The following SLC19A1 variants were observed in gnomAD, a reference collection of about 807,000 sequenced individuals.
SLC19A1 encodes reduced folate transporter.
A neutral mutation model predicts 35.3 loss-of-function variants in SLC19A1; 37 were observed. The ratio of observed to expected loss-of-function variants is 1.05; its 90% CI spans 0.81 to 1.38. The LOEUF is 1.38. Among genes scored for constraint, SLC19A1 ranks in the 40% most tolerant of loss-of-function variants. The pLI is 0.00. For synonymous variants in SLC19A1, 460 were observed against 398.5 expected (o/e 1.15, Z -1.84); for missense variants, 831 against 826.9 (o/e 1.00, Z -0.06).
At chr21:45,516,238 C>T in intron 5 of SLC19A1, 98 bp from the exon 6 acceptor site, 1 of 944,980 alleles carries the variant, frequency 1.1e-6, no homozygotes. Context: ...CCTCCTCCAG[C>T]TCAGAGGCTG....
downstream of SLC19A1, chr21:45,509,405 G>A (rs2037437920): frequency 3.9e-6 from 6 of 1,542,992 alleles, no homozygotes; most frequent in East Asian, 1.5e-4. Context: ...CTGCACGACA[G>A]CAACCCCTAC....
intron 1 of SLC19A1, among the ~76,000 whole-genome samples, chr21:45,539,138 A>G (rs1436731765): frequency 6.6e-6 from 1 of 152,182 alleles, no homozygotes; most frequent in Admixed American, 6.5e-5. Context: ...CCTTCAAGTA[A>G]GTCAAAAGTG....
upstream of SLC19A1, among the ~76,000 whole-genome samples, chr21:45,543,053 C>A (rs760422533): frequency 6.6e-6 from 1 of 152,140 alleles, no homozygotes; most frequent in Non-Finnish European, 1.5e-5. Flanking sequence ...GTGACCCGTA[C>A]GGGCTTGTAC....
chr21:45,509,936 C>T (rs552095501), downstream of SLC19A1: 43 of 1,082,834 alleles, frequency 4.0e-5, no homozygotes, highest in African/African-American at 1.6e-4. Context: ...GTGTCACTTG[C>T]GCGCCTCCCG....
At chr21:45,552,500 C>T (rs1227233050) in intron 1 of SLC19A1, among the ~76,000 whole-genome samples, 1 of 152,166 alleles carries the variant, frequency 6.6e-6, no homozygotes, top group African/African-American at 2.4e-5. Context: ...GCCAGGACCG[C>T]AGCCCTCGAA....
intron 1 of SLC19A1, among the ~76,000 whole-genome samples, chr21:45,539,981 C>T (rs537997388): frequency 1.3e-5 from 2 of 152,282 alleles, no homozygotes; most frequent in Admixed American, 6.5e-5. Flanking sequence ...TGAAAACAGC[C>T]GGCCAGGCAG....
At chr21:45,523,790 C>T (rs2077510310) in intron 5 of SLC19A1, among the ~76,000 whole-genome samples, 1 of 152,184 alleles carries the variant, frequency 6.6e-6, no homozygotes, top group Admixed American at 6.5e-5. Flanking sequence ...GGGACGGGCA[C>T]TCCCTGCCCA....
At chr21:45,554,674 G>T (rs886888443) in intron 1 of SLC19A1, among the ~76,000 whole-genome samples, 12 of 148,872 alleles carry the variant, frequency 8.1e-5, no homozygotes, top group Non-Finnish European at 1.5e-4. Context: ...CTTCCTGTGT[G>T]CGTCTCCACA....
rs887282132 is a variant in SLC19A1, at chr21:45,505,432, G to T, written c.498-6820C>A. The T allele has an allele frequency of 1.3e-6, 2 of 1,530,330 alleles. No individual in the cohort carries two copies. The highest frequency in any genetic ancestry group is 1.8e-5 in the Admixed American group (1 of 54,618). 94.8% of individuals were successfully genotyped at this position (1,530,330 alleles called of 1,614,324 possible). A position where few individuals can be genotyped will look rare whatever the true frequency, so the allele number is the denominator to read the frequency against. ...TGGAACCATGGGCGCCTCCTCAGGG[G>T]TAAGTGTCTGGGCAGCCGGCTGGGC... On this transcript the variant is annotated intron_variant, in intron 3 of 4. Coordinates refer to the SLC19A1 transcript ENST00000417954.
downstream of SLC19A1, among the ~76,000 whole-genome samples, chr21:45,511,390 T>A (rs1378618404): frequency 6.6e-6 from 1 of 152,142 alleles, no homozygotes; most frequent in Admixed American, 6.5e-5. Flanking sequence ...AAATGAGAAC[T>A]GCTCTGAGAA....
rs1293149406 is a variant in SLC19A1, at chr21:45,531,491, G to A, written c.847C>T (p.Leu283=). The change falls in exon 3 of 6, where the codon CTG becomes TTG. Residue 283 remains leucine, a synonymous_variant. Transcript: ENST00000311124. ...WWVFNSAGYY[L]VVYYVHILWN... ...AGGATGTGCACGTAGTAGACCACCAGGTAGTAGCCGGCCGAGTTGAAGACC... is the reference window on the plus strand; with the variant it reads ...AGGATGTGCACGTAGTAGACCACCAAGTAGTAGCCGGCCGAGTTGAAGACC... The A allele has an allele frequency of 1.2e-6, 2 of 1,612,672 alleles. No homozygotes were observed. Among genetic ancestry groups the A allele is most frequent in the African/African-American group, 1.3e-5 (1 of 74,874 alleles).
downstream of SLC19A1, among the ~76,000 whole-genome samples, chr21:45,508,038 TACGTAGGTA>T: frequency 6.6e-6 from 1 of 150,522 alleles, no homozygotes; most frequent in Admixed American, 6.6e-5. Context: ...GGTGAGTGGA[TACGTAGGTA>T]GATGGGGAGG....
chr21:45,511,236 C>A, downstream of SLC19A1: 1 of 1,472,602 alleles, frequency 6.8e-7, no homozygotes, highest in Non-Finnish European at 9.4e-7. Context: ...GGTAGGTTCC[C>A]AGTGCCGTGT....
intron 1 of SLC19A1, among the ~76,000 whole-genome samples, chr21:45,556,261 C>T (rs1198831422): frequency 6.6e-6 from 1 of 152,198 alleles, no homozygotes; most frequent in Non-Finnish European, 1.5e-5. Flanking sequence ...AGCACGTCAG[C>T]GTCTCTACCT....
chr21:45,517,734 T>C lies in SLC19A1; in HGVS notation c.1294-1594A>G. The stretch of plus-strand genomic sequence containing the variant: ...TTCACCTACCCAGCAATAATGAGAA[T>C]GTCCCAACCCCAGGGGCATCAAGGG... On this transcript the variant is annotated intron_variant, in intron 5 of 5. Transcript: ENST00000311124. This position sits in a 1 kb window ranked among gnomAD's most constrained non-coding sequence, Gnocchi z 4.4. 6.6e-6 allele frequency among the ~76,000 whole-genome samples: 1 copy of C among 151,972 alleles called. No individual in the cohort carries two copies. Among genetic ancestry groups the C allele is most frequent in the Non-Finnish European group, 1.5e-5 (1 of 68,002 alleles).
At chr21:45,528,130 G>A (rs551150250) in intron 4 of SLC19A1, among the ~76,000 whole-genome samples, 4 of 151,898 alleles carry the variant, frequency 2.6e-5, no homozygotes, top group South Asian at 4.2e-4. Context: ...CAGGGAGGAC[G>A]AGAGAAGCAC....
chr21:45,512,902 C>A lies in SLC19A1; in HGVS notation c.*2756G>T, dbSNP rs974797276. 4.6e-5 allele frequency: 9 copies of A among 197,672 alleles called. No homozygotes were observed. The highest frequency in any genetic ancestry group is 1.4e-4 in the African/African-American group (6 of 42,474). The allele number at this position is 197,672 out of a possible 1,614,324, so 12.2% of individuals were successfully genotyped here. ...TCCTCCAGGGTGTGTGCTCGCCCTG[C>A]GGTAGATGGGAGGGAGGCTCAGGTC... On this transcript the variant is annotated 3_prime_UTR_variant, in exon 6 of 6. Transcript: ENST00000311124.
chr21:45,529,642 G>C (rs1451328014), intron 4 of SLC19A1, among the ~76,000 whole-genome samples: 3 of 150,764 alleles, frequency 2.0e-5, no homozygotes, highest in Non-Finnish European at 4.4e-5. Flanking sequence ...TAAACGTGTG[G>C]TGTGTCCATG....
chr21:45,506,330 C>T (rs901337716), intron 3 of SLC19A1: 4 of 362,176 alleles, frequency 1.1e-5, no homozygotes, highest in Non-Finnish European at 1.6e-5. Flanking sequence ...GGCCACGTGA[C>T]GTCCACAGCA....
Sources: allele counts gnomAD v4.1 joint callset (sites outside exome capture counted in the v4.1 genomes callset), GRCh38; gene constraint gnomAD v4.1.1; non-coding constraint Gnocchi (gnomAD v3.1); transcripts MANE v1.5; gene names NCBI Gene and HGNC (gene_info 2026-07-23, HGNC 2026-07-21).